The following PKHD1 variants were observed in gnomAD, a reference collection of about 807,000 sequenced individuals.
PKHD1 encodes the protein fibrocystin.
A neutral mutation model predicts 412.0 loss-of-function variants in PKHD1; 291 were observed. The ratio of observed to expected loss-of-function variants is 0.71; its 90% CI spans 0.64 to 0.78. The LOEUF is 0.78. PKHD1 is among the 30% of genes least tolerant of loss of function. PKHD1 has a pLI of 0.00. For synonymous variants in PKHD1, 1,777 were observed against 1,821.5 expected, an observed-to-expected ratio of 0.98 and a Z score of 0.62; for missense variants, 4,825 against 4,950.7, an observed-to-expected ratio of 0.97 and a Z score of 0.76.
chr6:51,625,637 T>C (rs1767131039), intron 66 of PKHD1, among the ~76,000 whole-genome samples: 2 of 152,102 alleles, frequency 1.3e-5, no homozygotes, highest in Non-Finnish European at 2.9e-5. Context: ...CATAAAAAAG[T>C]TCCTTAATAA....
chr6:51,710,805 G>A (rs1780565672), intron 60 of PKHD1, among the ~76,000 whole-genome samples: 2 of 152,166 alleles, frequency 1.3e-5, no homozygotes, highest in Non-Finnish European at 2.9e-5. Flanking sequence ...CTATAAAAAT[G>A]AGAAGACTGA....
At chr6:51,727,792 G>C (rs1056064206) in intron 60 of PKHD1, among the ~76,000 whole-genome samples, 1 of 152,156 alleles carries the variant, frequency 6.6e-6, no homozygotes, top group African/African-American at 2.4e-5. Flanking sequence ...ACACTTCAGT[G>C]CAACAGGTGT....
At chr6:51,892,884 C>T (rs181607882) in intron 43 of PKHD1, among the ~76,000 whole-genome samples, 3 of 152,296 alleles carry the variant, frequency 2.0e-5, no homozygotes, top group Admixed American at 2.0e-4. Context: ...TATTAGTTGG[C>T]AAATATAAGT....
chr6:51,665,473 C>T (rs867203928), intron 60 of PKHD1, among the ~76,000 whole-genome samples: 2 of 151,866 alleles, frequency 1.3e-5, no homozygotes, highest in Non-Finnish European at 2.9e-5. Flanking sequence ...TTAAATAATC[C>T]CACCAAACAA....
intron 60 of PKHD1, among the ~76,000 whole-genome samples, chr6:51,671,020 T>TG (rs1285842275): frequency 6.6e-6 from 1 of 152,100 alleles, no homozygotes; most frequent in Non-Finnish European, 1.5e-5. Context: ...CTGACAATTA[T>TG]GTGTCTTGGA....
At chr6:52,057,781 T>A (rs995059741) in intron 16 of PKHD1, among the ~76,000 whole-genome samples, 6 of 152,216 alleles carry the variant, frequency 3.9e-5, no homozygotes, top group Non-Finnish European at 8.8e-5. Context: ...GCACATGTTT[T>A]ACTTTTAGAC....
chr6:51,830,769 T>C (rs991424405), intron 52 of PKHD1, 92 bp downstream of exon 52: 4 of 1,277,718 alleles, frequency 3.1e-6, no homozygotes, highest in Non-Finnish European at 4.6e-6. Context: ...ATTTCCAAAC[T>C]CTTTACTGTG....
chr6:52,000,101 T>C (rs1418438000), intron 35 of PKHD1, among the ~76,000 whole-genome samples: 4 of 152,268 alleles, frequency 2.6e-5, no homozygotes, highest in African/African-American at 4.8e-5. Flanking sequence ...GAATTAAATA[T>C]ACTGATAAAA....
At chr6:51,833,072 G>C (rs1363287783) in intron 51 of PKHD1, among the ~76,000 whole-genome samples, 1 of 152,162 alleles carries the variant, frequency 6.6e-6, no homozygotes, top group Non-Finnish European at 1.5e-5. Context: ...GGTAGAGTAA[G>C]GGGTATTTGT....
In PKHD1 at chr6:52,025,393, G is replaced by C; in HGVS notation, c.4417C>G (p.Gln1473Glu). 6.2e-7 allele frequency: 1 copy of C among 1,611,304 alleles called. No homozygotes were observed. The highest frequency in any genetic ancestry group is 1.1e-5 in the South Asian group (1 of 90,894). The change falls in exon 32 of 67, where the codon CAG becomes GAG. Residue 1473 changes from glutamine (Q) to glutamate (E), a missense_variant. By Grantham distance (29) the Gln-to-Glu change is conservative (BLOSUM62 2). Coordinates refer to ENST00000371117, the MANE Select transcript of PKHD1 (RefSeq NM_138694.4). The stretch of plus-strand genomic sequence containing the variant: ...CTTATGAAAAGAGTGCAATTCCCCT[G>C]ACACTCGCTGGTTAGCCCATTGACC... ...VLVNGLTSEC[Q>E]GNCTLFIREE...
chr6:51,770,999 G>A (rs1305565255), intron 55 of PKHD1, among the ~76,000 whole-genome samples: 1 of 152,064 alleles, frequency 6.6e-6, no homozygotes, highest in African/African-American at 2.4e-5. Context: ...TTTCTTTGGG[G>A]AAGAAGAAAT....
intron 60 of PKHD1, among the ~76,000 whole-genome samples, chr6:51,679,703 C>A (rs1776369366): frequency 6.6e-6 from 1 of 151,966 alleles, no homozygotes; most frequent in Non-Finnish European, 1.5e-5. Flanking sequence ...GTAATAATGA[C>A]CCAACTCGGT....
intron 37 of PKHD1, among the ~76,000 whole-genome samples, chr6:51,912,961 A>G (rs1389330707): frequency 3.3e-5 from 5 of 152,074 alleles, no homozygotes; most frequent in Admixed American, 3.3e-4. Context: ...CAGAAGTAGC[A>G]GGGTCTTCCA....
At chr6:51,897,102 C>T (rs1365829193) in intron 43 of PKHD1, among the ~76,000 whole-genome samples, 1 of 151,936 alleles carries the variant, frequency 6.6e-6, no homozygotes, top group African/African-American at 2.4e-5. Context: ...GGATATTATC[C>T]AGGAGAACTT....
At chr6:51,939,815 T>A (rs1788181779) in intron 36 of PKHD1, among the ~76,000 whole-genome samples, 1 of 151,196 alleles carries the variant, frequency 6.6e-6, no homozygotes, top group Admixed American at 6.6e-5. Flanking sequence ...TCTCCCCTCC[T>A]CCCCAGGCTG....
At chr6:51,994,794 G>T (rs1172748010) in intron 35 of PKHD1, among the ~76,000 whole-genome samples, 1 of 151,960 alleles carries the variant, frequency 6.6e-6, no homozygotes, top group African/African-American at 2.4e-5. Context: ...TGTTGCCCAG[G>T]CTGGTCTCAG....
chr6:51,955,881 A>C (rs1199969624), intron 36 of PKHD1, among the ~76,000 whole-genome samples: 1 of 152,072 alleles, frequency 6.6e-6, no homozygotes, highest in African/African-American at 2.4e-5. Context: ...AAAGTAAAGA[A>C]AATTTCACTC....
At chr6:51,653,547 G>C (rs2150385669) in intron 61 of PKHD1, among the ~76,000 whole-genome samples, 1 of 152,234 alleles carries the variant, frequency 6.6e-6, no homozygotes, top group Non-Finnish European at 1.5e-5. Context: ...CACTCCTCAA[G>C]CAGTGTGCTT....
chr6:51,991,044 A>G (rs1796985265), intron 35 of PKHD1, among the ~76,000 whole-genome samples: 1 of 152,224 alleles, frequency 6.6e-6, no homozygotes, highest in African/African-American at 2.4e-5. Context: ...TTACTGTCTT[A>G]AAGTTAATGA....
Sources: gnomAD v4.1 joint callset for allele counts (sites outside exome capture counted in the v4.1 genomes callset) on GRCh38, gnomAD v4.1.1 for gene constraint, MANE v1.5 for transcripts, NCBI Gene and HGNC (gene_info 2026-07-23, HGNC 2026-07-21) for gene names.